The following ACVR2B variants were observed in gnomAD, a reference collection of about 807,000 sequenced individuals.
ACVR2B encodes the protein activin A receptor type 2B, also known as activin receptor type-2B.
In ACVR2B, 18 loss-of-function variants were observed where a neutral mutation model predicts 65.1. That is an observed-to-expected ratio of 0.28 (90% CI 0.19 to 0.41). The LOEUF is 0.41. ACVR2B is among the 10% of genes least tolerant of loss of function. The pLI is 1.00. For synonymous variants in ACVR2B, 298 were observed against 277.7 expected (o/e 1.07, Z -0.73); for missense variants, 482 against 682.7 (o/e 0.71, Z 3.28).
In ACVR2B at chr3:38,481,598, A is replaced by T; in HGVS notation, c.1074+133A>T. On this transcript the variant is annotated intron_variant, in intron 8 of 10. Coordinates refer to ENST00000352511, the MANE Select transcript of ACVR2B (RefSeq NM_001106.4). The surrounding 1 kb of genome is among the most constrained non-coding windows in gnomAD (Gnocchi z 4.7). ...CAGAGCTGTCTGAGAACTTAGAGCAATGCTCTTGTTTGACCAGTGGAGAAA... is the reference window on the plus strand; with the variant it reads ...CAGAGCTGTCTGAGAACTTAGAGCATTGCTCTTGTTTGACCAGTGGAGAAA... 2.6e-6 allele frequency: 2 copies of T among 756,070 alleles called. No individual in the cohort carries two copies. The highest frequency in any genetic ancestry group is 4.6e-6 in the Non-Finnish European group (2 of 431,616). 46.8% of individuals were successfully genotyped at this position (756,070 alleles called of 1,614,324 possible).
chr3:38,461,086 G>A (rs1296682746), intron 1 of ACVR2B, among the ~76,000 whole-genome samples: 4 of 152,204 alleles, frequency 2.6e-5, no homozygotes, highest in South Asian at 4.1e-4. Context: ...TGACTCTCTC[G>A]AGTGTTGATG....
At position 38,490,268 on chromosome 3, in the gene ACVR2B, C is replaced by T. The variant is rs1024248392; in HGVS notation, c.*6936C>T. 1 of 152,326 alleles carries T rather than the reference C, an allele frequency of 6.6e-6. No individual in the cohort carries two copies. The highest frequency in any genetic ancestry group is 2.1e-4 in the South Asian group (1 of 4,826). 9.4% of individuals were successfully genotyped at this position (152,326 alleles called of 1,614,324 possible). On this transcript the variant is annotated 3_prime_UTR_variant, in exon 11 of 11. Transcript: ENST00000352511. ...GAAGACCTGTCCCCCAGACCCTGCC[C>T]GCTGGCTTCAGGCTGCTGCTTCTAG...
chr3:38,454,330 C>A lies in ACVR2B; in HGVS notation c.8C>A (p.Ala3Glu). The A allele has an allele frequency of 6.2e-6, 8 of 1,299,078 alleles. No homozygotes were observed. In the South Asian group the frequency reaches 1.7e-4, roughly 28 times the overall value. The allele number at this position is 1,299,078 out of a possible 1,614,324, so 80.5% of individuals were successfully genotyped here. Residue 3 changes from alanine (A) to glutamate (E), a missense_variant, in exon 1 of 11, where the codon GCG becomes GAG. This residue lies in a region of ACVR2B where 41 missense variants were observed against 38.2 expected (regional missense o/e 1.07). Coordinates refer to ENST00000352511, the MANE Select transcript of ACVR2B (RefSeq NM_001106.4). MT[A>E]PWVALALLWG... is the part of the protein sequence containing the mutation. ...GGGGCGGCGCCGCGGAACATGACGG[C>A]GCCCTGGGTGGCCCTCGCCCTCCTC... is the stretch of plus-strand genomic sequence containing the variant.
At chr3:38,456,109 C>T (rs1434614821) in intron 1 of ACVR2B, among the ~76,000 whole-genome samples, 1 of 152,244 alleles carries the variant, frequency 6.6e-6, no homozygotes, top group African/African-American at 2.4e-5. Flanking sequence ...CTGCTTCAGT[C>T]ACCTAGCTTG....
intron 6 of ACVR2B, 38 bp downstream of exon 6, chr3:38,479,309 T>C: frequency 6.2e-7 from 1 of 1,614,022 alleles, no homozygotes; most frequent in Non-Finnish European, 8.5e-7. Flanking sequence ...TGAGAGGAGA[T>C]GGAATGTCCC....
In ACVR2B at chr3:38,478,128, G is replaced by C; in HGVS notation, c.371-13G>C. 1.2e-6 allele frequency: 2 copies of C among 1,611,006 alleles called. No individual in the cohort carries two copies. Among genetic ancestry groups the C allele is most frequent in the Non-Finnish European group, 1.7e-6 (2 of 1,179,194 alleles). The stretch of plus-strand genomic sequence containing the variant: ...GGCAGACTGTTTGACACAGGGCTCT[G>C]TGTGTCCCCCAGTCACGTACGAGCC... On this transcript the variant is annotated splice_polypyrimidine_tract_variant and intron_variant, in intron 3 of 10. Transcript: ENST00000352511.
intron 1 of ACVR2B, among the ~76,000 whole-genome samples, chr3:38,457,226 AT>A (rs1189962533): frequency 6.6e-6 from 1 of 152,226 alleles, no homozygotes; most frequent in Non-Finnish European, 1.5e-5. Context: ...ATTTCACTGA[AT>A]TTGATATATA....
In ACVR2B at chr3:38,460,300, C is replaced by T. The variant is rs140507962; in HGVS notation, c.52+5926C>T. 3.4e-3 allele frequency among the ~76,000 whole-genome samples: 512 copies of T among 152,290 alleles called. 5 individuals carry two copies. The highest frequency in any genetic ancestry group is 4.3e-3 in the Non-Finnish European group (293 of 68,022). ...ACCAGACTTACGGGTCCATCCCAGC[C>T]CTAGAGGTGCCTATTCCTTGTGGTC... is the stretch of plus-strand genomic sequence containing the variant. On this transcript the variant is annotated intron_variant, in intron 1 of 10. Transcript: ENST00000352511.
chr3:38,480,768 C>T (rs1710004132), intron 7 of ACVR2B, among the ~76,000 whole-genome samples: 1 of 152,184 alleles, frequency 6.6e-6, no homozygotes. Context: ...TGGCCCTAAA[C>T]ATTTGCACTT....
In ACVR2B at chr3:38,482,504, G is replaced by T. The variant is rs1411302234; in HGVS notation, c.1288G>T (p.Val430Leu). The change falls in exon 10 of 11, where the codon GTG (valine) becomes TTG (leucine). Residue 430 changes from valine to leucine, a missense_variant. By Grantham distance (32) the Val-to-Leu change is conservative. Transcript: ENST00000352511. Reference sequence around the variant, plus strand: ...CCCTTCGTTGGAGGAGCTGCAGGAGGTGGTGGTGCACAAGAAGATGAGGCC... The same window carrying T: ...CCCTTCGTTGGAGGAGCTGCAGGAGTTGGTGGTGCACAAGAAGATGAGGCC... ...QHPSLEELQE[V>L]VVHKKMRPTI... is the part of the protein sequence containing the mutation. 3 of 1,612,456 alleles carry T rather than the reference G, an allele frequency of 1.9e-6. No individual in the cohort carries two copies. The African/African-American group carries it at 4.0e-5, about 22-fold the overall frequency.
chr3:38,463,402 A>T (rs910690289), intron 1 of ACVR2B, among the ~76,000 whole-genome samples: 1 of 152,232 alleles, frequency 6.6e-6, no homozygotes, highest in African/African-American at 2.4e-5. Flanking sequence ...AAACCTGTAG[A>T]AAAACTATTT....
In ACVR2B at chr3:38,483,059, A is replaced by G; in HGVS notation, c.1345-79A>G. On this transcript the variant is annotated intron_variant, in intron 10 of 10. Transcript: ENST00000352511. The surrounding 1 kb of genome is among the most constrained non-coding windows in gnomAD (Gnocchi z 4.8). ...CTCTGCCTGATCCTTGGGAATATCA[A>G]GTTTACTGTCCCCCAAAGCTTTTCC... 6.5e-7 allele frequency: 1 copy of G among 1,538,318 alleles called. No homozygotes were observed. Among genetic ancestry groups the G allele is most frequent in the African/African-American group, 1.4e-5 (1 of 73,626 alleles).
chr3:38,488,350 G>A lies in ACVR2B; in HGVS notation c.*5018G>A, dbSNP rs575585016. On this transcript the variant is annotated 3_prime_UTR_variant, in exon 11 of 11. Transcript: ENST00000352511. ...TGCAACCAGCAGTCTACCTATGAAT[G>A]TATCCCAAACCTTTAGAAGATTGGA... The A allele has an allele frequency of 9.2e-5, 14 of 152,292 alleles. No homozygotes were observed. The highest frequency in any genetic ancestry group is 3.1e-4 in the African/African-American group (13 of 41,564). 9.4% of individuals were successfully genotyped at this position (152,292 alleles called of 1,614,324 possible).
chr3:38,458,239 A>G (rs916186422), intron 1 of ACVR2B, among the ~76,000 whole-genome samples: 4 of 152,176 alleles, frequency 2.6e-5, no homozygotes, highest in African/African-American at 7.2e-5. Flanking sequence ...CTCCTGTTAT[A>G]AGGAGCCAAT....
intron 1 of ACVR2B, among the ~76,000 whole-genome samples, chr3:38,468,611 C>G (rs147034970): frequency 7.9e-5 from 12 of 152,268 alleles, no homozygotes; most frequent in African/African-American, 2.9e-4. Flanking sequence ...TGTCTTTAGA[C>G]TCATTTTTAC....
intron 1 of ACVR2B, among the ~76,000 whole-genome samples, chr3:38,456,464 C>T (rs2125711473): frequency 6.6e-6 from 1 of 152,316 alleles, no homozygotes; most frequent in Admixed American, 6.5e-5. Context: ...AGATATAAAA[C>T]AACGTTTTCT....
At chr3:38,466,613 C>G (rs2125715873) in intron 1 of ACVR2B, among the ~76,000 whole-genome samples, 1 of 151,376 alleles carries the variant, frequency 6.6e-6, no homozygotes, top group African/African-American at 2.4e-5. Context: ...AAGTGATTGT[C>G]CTGCCTCAGC....
chr3:38,478,254 C>G lies in ACVR2B; in HGVS notation c.484C>G (p.His162Asp). The part of the protein sequence containing the change: ...IVLLAFWMYR[H>D]RKPPYGHVDI... ...CCTGCTGGCCTTTTGGATGTACCGG[C>G]ATCGCAAGCCCCCCTACGGTCATGT... The change falls in exon 4 of 11, where the codon CAT becomes GAT. Residue 162 changes from histidine (H) to aspartate (D), a missense_variant. Coordinates refer to ENST00000352511, the MANE Select transcript of ACVR2B (RefSeq NM_001106.4). 1.9e-6 allele frequency: 3 copies of G among 1,614,102 alleles called. No individual in the cohort carries two copies. The highest frequency in any genetic ancestry group is 2.5e-6 in the Non-Finnish European group (3 of 1,180,012).
intron 1 of ACVR2B, among the ~76,000 whole-genome samples, chr3:38,471,978 CAA>C (rs536328919): frequency 1.3e-5 from 2 of 152,180 alleles, no homozygotes; most frequent in South Asian, 2.1e-4. Context: ...TAGAAATAGT[CAA>C]GAGTTATTCT....
Sources: gnomAD v4.1 joint callset for allele counts (sites outside exome capture counted in the v4.1 genomes callset) on GRCh38, gnomAD v4.1.1 for gene constraint, gnomAD v4.1.1 regional missense constraint, Gnocchi (gnomAD v3.1) non-coding constraint, MANE v1.5 for transcripts, NCBI Gene and HGNC (gene_info 2026-07-23, HGNC 2026-07-21) for gene names.